ADAMTS17: variants seen among roughly 807,000 people sequenced by gnomAD.
ADAMTS17 encodes the protein ADAM metallopeptidase with thrombospondin type 1 motif 17, also known as A disintegrin and metalloproteinase with thrombospondin motifs 17.
Under a neutral mutation model 141.5 loss-of-function variants are expected in ADAMTS17, and 113 were observed. The observed-to-expected ratio is 0.80, with a 90% CI of 0.69 to 0.93. The LOEUF (loss-of-function observed/expected upper bound fraction) is 0.93. ADAMTS17 is among the 40% of genes least tolerant of loss of function. ADAMTS17 has a pLI of 0.00. For missense variants in ADAMTS17, 1,659 were observed against 1,517.9 expected (o/e 1.09, Z -1.54); for synonymous variants, 768 against 630.6 (o/e 1.22, Z -3.27).
At chr15:100,308,593 G>A (rs2045302914) in intron 3 of ADAMTS17, among the ~76,000 whole-genome samples, 1 of 152,146 alleles carries the variant, frequency 6.6e-6, no homozygotes, top group Non-Finnish European at 1.5e-5. Flanking sequence ...TCTTTAATAT[G>A]GTTGAAACTG....
intron 14 of ADAMTS17, among the ~76,000 whole-genome samples, chr15:100,107,301 T>C (rs1417327971): frequency 2.0e-5 from 3 of 152,122 alleles, no homozygotes; most frequent in Non-Finnish European, 4.4e-5. Context: ...CATGGGCAAG[T>C]GGACCTGACG....
At chr15:100,122,386 G>C (rs1345545754) in intron 12 of ADAMTS17, among the ~76,000 whole-genome samples, 1 of 152,162 alleles carries the variant, frequency 6.6e-6, no homozygotes, top group Admixed American at 6.5e-5. Context: ...TACACAATTT[G>C]CTACCTAAAT....
intron 7 of ADAMTS17, among the ~76,000 whole-genome samples, chr15:100,239,135 G>A (rs926231038): frequency 1.3e-5 from 2 of 152,322 alleles, no homozygotes; most frequent in South Asian, 2.1e-4. Context: ...TAACCCAACC[G>A]CCTGGGGTCA....
At chr15:100,338,699 C>G in intron 2 of ADAMTS17, among the ~76,000 whole-genome samples, 1 of 152,148 alleles carries the variant, frequency 6.6e-6, no homozygotes, top group South Asian at 2.1e-4. Context: ...CAAAAATCAT[C>G]TACTTATAGC....
intron 18 of ADAMTS17, among the ~76,000 whole-genome samples, chr15:100,025,683 G>A (rs1286762261): frequency 6.6e-6 from 1 of 152,004 alleles, no homozygotes; most frequent in African/African-American, 2.4e-5. Context: ...CAAAGTGCTG[G>A]GATTACAGGC....
intron 12 of ADAMTS17, among the ~76,000 whole-genome samples, chr15:100,121,064 A>G (rs1343887535): frequency 6.6e-6 from 1 of 152,238 alleles, no homozygotes; most frequent in Non-Finnish European, 1.5e-5. Context: ...TGAAAAGTAT[A>G]AGAACTGAAA....
At chr15:100,233,167 A>G (rs2042542420) in intron 7 of ADAMTS17, among the ~76,000 whole-genome samples, 1 of 152,126 alleles carries the variant, frequency 6.6e-6, no homozygotes, top group Non-Finnish European at 1.5e-5. Context: ...CGTCTCTACT[A>G]AAAAGACAAA....
chr15:100,256,397 G>T (rs377050318), intron 6 of ADAMTS17: 1 of 152,328 alleles, frequency 6.6e-6, no homozygotes, highest in Non-Finnish European at 1.5e-5. Context: ...GATCCTGTGC[G>T]TAACTCACAG....
chr15:99,974,577 G>C lies in ADAMTS17; in HGVS notation c.3128-15C>G, dbSNP rs369581271. 5 of 1,614,202 alleles carry C rather than the reference G, an allele frequency of 3.1e-6. 1 individual carries two copies. The South Asian group carries it at 4.4e-5, about 14-fold the overall frequency. ...GGTCAGAGCAGCTAAGGGGATAGGA[G>C]AGAGAATACCCAGGGTCAGGGATGG... On this transcript the variant is annotated splice_polypyrimidine_tract_variant and intron_variant, in intron 21 of 21. Transcript: ENST00000268070.
chr15:100,028,989 T>C (rs1282511759), intron 18 of ADAMTS17, among the ~76,000 whole-genome samples: 2 of 152,246 alleles, frequency 1.3e-5, no homozygotes, highest in Non-Finnish European at 2.9e-5. Context: ...TTAGCAAGGC[T>C]GTTTGCGGAC....
At chr15:100,159,620 G>A (rs2039596424) in intron 8 of ADAMTS17, among the ~76,000 whole-genome samples, 1 of 152,220 alleles carries the variant, frequency 6.6e-6, no homozygotes, top group African/African-American at 2.4e-5. Flanking sequence ...CATGAAAAAA[G>A]TGGCTCCAGC....
intron 18 of ADAMTS17, among the ~76,000 whole-genome samples, chr15:100,028,126 A>T (rs926720312): frequency 6.6e-6 from 1 of 152,094 alleles, no homozygotes; most frequent in Non-Finnish European, 1.5e-5. Context: ...ATCCATAATA[A>T]TATCATGGGA....
At chr15:100,106,360 AC>A (rs2036414160) in intron 14 of ADAMTS17, among the ~76,000 whole-genome samples, 4 of 152,318 alleles carry the variant, frequency 2.6e-5, no homozygotes, top group African/African-American at 7.2e-5. Context: ...CTAAGACGAC[AC>A]CCAAGTGCAG....
intron 9 of ADAMTS17, among the ~76,000 whole-genome samples, chr15:100,153,535 T>C (rs924163031): frequency 2.6e-5 from 4 of 152,032 alleles, no homozygotes; most frequent in East Asian, 1.9e-4. Context: ...TCCCAGCTAA[T>C]TGGAAGGCTG....
At chr15:100,333,145 T>C (rs982064762) in intron 2 of ADAMTS17, among the ~76,000 whole-genome samples, 9 of 151,908 alleles carry the variant, frequency 5.9e-5, no homozygotes, top group African/African-American at 2.2e-4. Context: ...TAAACCCCCT[T>C]CCCCGCAGCC....
At chr15:100,004,707 A>G (rs2061004056) in intron 18 of ADAMTS17, among the ~76,000 whole-genome samples, 1 of 138,366 alleles carries the variant, frequency 7.2e-6, no homozygotes, top group Non-Finnish European at 1.5e-5. Flanking sequence ...TGCAGCCTCC[A>G]CCTCCCGAGT....
Position 100,330,963 on chromosome 15 carries a change from C to T in ADAMTS17, c.542G>A (p.Arg181Lys), listed in dbSNP as rs143689354. 1,277 of 1,614,130 alleles carry T rather than the reference C, an allele frequency of 7.9e-4. No homozygotes were observed. Among genetic ancestry groups the T allele is most frequent in the Non-Finnish European group, 1.0e-3 (1,212 of 1,180,030 alleles). Residue 181 changes from arginine to lysine, a missense_variant, in exon 3 of 22, where the codon AGG (arginine) becomes AAG (lysine). Coordinates refer to ENST00000268070, the MANE Select transcript of ADAMTS17 (RefSeq NM_139057.4). ...GCTGGGGGTCAAGGACCATTTGCGC[C>T]TGATCAGATGTTCTCGTCCACTGAA... ...GPFSGREHLI[R>K]RKWSLTPSPS...
At chr15:100,179,870 G>C (rs1343579606) in intron 8 of ADAMTS17, among the ~76,000 whole-genome samples, 1 of 152,124 alleles carries the variant, frequency 6.6e-6, no homozygotes. Flanking sequence ...TTTTAAATCA[G>C]ATTATAAGAT....
At chr15:100,255,976 G>A (rs547385646) in intron 6 of ADAMTS17, among the ~76,000 whole-genome samples, 1 of 152,224 alleles carries the variant, frequency 6.6e-6, no homozygotes, top group Non-Finnish European at 1.5e-5. Context: ...CTCAGTTAGA[G>A]GCCTGTCTTG....
Sources: gnomAD v4.1 joint callset for allele counts (sites outside exome capture counted in the v4.1 genomes callset) on GRCh38, gnomAD v4.1.1 for gene constraint, MANE v1.5 for transcripts, NCBI Gene and HGNC (gene_info 2026-07-23, HGNC 2026-07-21) for gene names.